The following KYNU variants were observed in gnomAD, a reference collection of about 807,000 sequenced individuals.
The protein encoded by KYNU is L-kynurenine hydrolase.
KYNU carries 54 observed loss-of-function variants against 59.2 expected under a neutral mutation model. The ratio of observed to expected loss-of-function variants is 0.91; its 90% CI spans 0.73 to 1.14. The LOEUF (loss-of-function observed/expected upper bound fraction) is 1.14, where lower values mean the gene tolerates loss of function less well. Ranked by LOEUF, KYNU falls within the 50% of genes most tolerant of loss-of-function variation. The pLI is 0.00. For missense variants in KYNU, 567 were observed against 554.4 expected (o/e 1.02, Z -0.23); for synonymous variants, 177 against 192.0 (o/e 0.92, Z 0.65).
At chr2:142,880,984 A>G (rs187989338) in intron 1 of KYNU, among the ~76,000 whole-genome samples, 90 of 152,366 alleles carry the variant, frequency 5.9e-4, no homozygotes, top group Non-Finnish European at 1.0e-3. Context: ...AGTAAAGTAC[A>G]TAAGTGTGCT....
chr2:142,885,557 T>C (rs1221090797), intron 2 of KYNU, 21 bp downstream of exon 2: 28 of 1,591,676 alleles, frequency 1.8e-5, no homozygotes, highest in Non-Finnish European at 2.3e-5. Context: ...TGGGAAGGTT[T>C]TTAAATTTTA....
intron 8 of KYNU, among the ~76,000 whole-genome samples, chr2:142,983,257 G>A (rs892258763): frequency 6.6e-6 from 1 of 152,074 alleles, no homozygotes; most frequent in African/African-American, 2.4e-5. Context: ...ATCTGGGCCA[G>A]CAGTTTGGCC....
intron 1 of KYNU, among the ~76,000 whole-genome samples, chr2:142,878,921 A>G (rs1195371159): frequency 1.3e-5 from 2 of 152,236 alleles, no homozygotes; most frequent in African/African-American, 4.8e-5. Flanking sequence ...TTTAAATAAC[A>G]TTGACATACA....
At chr2:143,024,325 T>A (rs1686492646) in intron 10 of KYNU, among the ~76,000 whole-genome samples, 1 of 152,002 alleles carries the variant, frequency 6.6e-6, no homozygotes, top group Non-Finnish European at 1.5e-5. Context: ...TCCACATTTG[T>A]TCAGTCTCAG....
chr2:143,029,224 C>T (rs1686668318), intron 10 of KYNU, among the ~76,000 whole-genome samples: 1 of 152,048 alleles, frequency 6.6e-6, no homozygotes, highest in Non-Finnish European at 1.5e-5. Context: ...TATTTGATGA[C>T]TTATATTACA....
intron 10 of KYNU, among the ~76,000 whole-genome samples, chr2:143,018,171 T>C (rs1686314603): frequency 6.6e-6 from 1 of 152,200 alleles, no homozygotes; most frequent in Non-Finnish European, 1.5e-5. Context: ...TATTTTTGTT[T>C]TTCTCACAAT....
intron 7 of KYNU, 140 bp downstream of exon 7, chr2:142,957,855 T>C: frequency 1.6e-6 from 1 of 631,190 alleles, no homozygotes; most frequent in South Asian, 1.8e-5. Context: ...CTTCTGTTAC[T>C]ATTAGATCAT....
At chr2:142,971,528 G>A (rs1402012360) in intron 8 of KYNU, 1 of 152,148 alleles carries the variant, frequency 6.6e-6, no homozygotes, top group African/African-American at 2.4e-5. Context: ...GATGAAAAAT[G>A]TATCATTGGC....
chr2:142,981,079 G>A (rs11686073), intron 8 of KYNU, among the ~76,000 whole-genome samples: 37,301 of 151,792 alleles, frequency 0.25, 5,401 homozygotes, highest in South Asian at 0.42. Context: ...AATTTATATT[G>A]TCTACCAACC....
Position 143,042,336 on chromosome 2 carries a change from T to C in KYNU, c.*164T>C. ...ATCTGATATAATTTTTCAGAGTCTG[T>C]GGCACTAAGGAGTCCACAGGGCTGC... On this transcript the variant is annotated 3_prime_UTR_variant, in exon 14 of 14. Transcript: ENST00000264170. 2.6e-6 allele frequency: 2 copies of C among 762,602 alleles called. No homozygotes were observed. 47.2% of individuals were successfully genotyped at this position (762,602 alleles called of 1,614,324 possible).
At chr2:142,888,793 T>C (rs1221287263) in intron 2 of KYNU, among the ~76,000 whole-genome samples, 1 of 150,756 alleles carries the variant, frequency 6.6e-6, no homozygotes, top group Non-Finnish European at 1.5e-5. Context: ...TCAGTTACCC[T>C]ACTCGAGACA....
chr2:143,041,145 G>T (rs919501113), intron 13 of KYNU, among the ~76,000 whole-genome samples: 3 of 151,986 alleles, frequency 2.0e-5, no homozygotes, highest in Non-Finnish European at 4.4e-5. Flanking sequence ...TGGTAACATT[G>T]CAAGGAATAA....
intron 3 of KYNU, among the ~76,000 whole-genome samples, chr2:142,924,900 T>C (rs945739282): frequency 6.6e-6 from 1 of 152,222 alleles, no homozygotes; most frequent in African/African-American, 2.4e-5. Flanking sequence ...GGTAACACTT[T>C]CTAAATACAT....
intron 12 of KYNU, among the ~76,000 whole-genome samples, chr2:143,037,138 C>T (rs1039928776): frequency 1.6e-4 from 24 of 151,928 alleles, no homozygotes; most frequent in African/African-American, 5.8e-4. Context: ...TACAATAGTT[C>T]TTAAAATATT....
At chr2:143,015,770 CTT>C (rs1483230337) in intron 10 of KYNU, among the ~76,000 whole-genome samples, 1 of 151,978 alleles carries the variant, frequency 6.6e-6, no homozygotes. Context: ...CAAATTAAGA[CTT>C]TATATTTTGA....
chr2:143,029,707 A>C, intron 11 of KYNU, 28 bp downstream of exon 11: 73 of 1,239,890 alleles, frequency 5.9e-5, no homozygotes, highest in Non-Finnish European at 7.5e-5. Flanking sequence ...ACCTAATGCC[A>C]TTTTTATTTT....
In KYNU at chr2:143,048,462, T is replaced by TTCTC. The variant is rs150770342; in HGVS notation, c.*6304_*6307dup. On this transcript the variant is annotated 3_prime_UTR_variant, in exon 14 of 14. Coordinates refer to ENST00000264170, the MANE Select transcript of KYNU (RefSeq NM_003937.3). ...TTTAGTCTAGCTTCCTCCCTCCTCT[T>TTCTC]TCTCTCTCTCTCTCTCTGTCTCTCT... 6.7e-6 allele frequency: 1 copy of TTCTC among 149,826 alleles called. No homozygotes were observed. Among genetic ancestry groups the TTCTC allele is most frequent in the South Asian group, 2.1e-4 (1 of 4,764 alleles). The allele number at this position is 149,826 out of a possible 1,614,324, so 9.3% of individuals were successfully genotyped here. A position where few individuals can be genotyped will look rare whatever the true frequency, so the allele number is the denominator to read the frequency against.
At chr2:142,945,478 C>T (rs776866418) in intron 4 of KYNU, among the ~76,000 whole-genome samples, 1 of 152,190 alleles carries the variant, frequency 6.6e-6, no homozygotes, top group Admixed American at 6.5e-5. Flanking sequence ...AATTCTAGTT[C>T]TCTTGCTATT....
intron 10 of KYNU, among the ~76,000 whole-genome samples, chr2:143,022,749 C>A (rs1395429453): frequency 4.0e-5 from 6 of 151,788 alleles, no homozygotes; most frequent in Non-Finnish European, 5.9e-5. Flanking sequence ...AATATTCTCC[C>A]AAAAAATTAT....
Sources: allele counts gnomAD v4.1 joint callset (sites outside exome capture counted in the v4.1 genomes callset), GRCh38; gene constraint gnomAD v4.1.1; transcripts MANE v1.5; gene names NCBI Gene and HGNC (gene_info 2026-07-23, HGNC 2026-07-21).